Variants in DPP10 observed in about 807,000 individuals in gnomAD.
DPP10 encodes inactive dipeptidyl peptidase 10.
Under a neutral mutation model 120.9 loss-of-function variants are expected in DPP10, and 33 were observed. That is an observed-to-expected ratio of 0.27 (90% CI 0.21 to 0.37). The LOEUF (loss-of-function observed/expected upper bound fraction) is 0.37. DPP10 is among the 10% of genes least tolerant of loss of function. DPP10 has a pLI of 1.00. For missense variants in DPP10, 816 were observed against 942.8 expected, an observed-to-expected ratio of 0.87 and a Z score of 1.76; for synonymous variants, 337 against 326.1, an observed-to-expected ratio of 1.03 and a Z score of -0.36.
intron 21 of DPP10, among the ~76,000 whole-genome samples, chr2:115,825,545 T>A (rs550353265): frequency 6.6e-6 from 1 of 152,358 alleles, no homozygotes; most frequent in Admixed American, 6.5e-5. Flanking sequence ...TCATAATCTT[T>A]CTTTAATTTG....
intron 1 of DPP10, among the ~76,000 whole-genome samples, chr2:114,648,959 G>T (rs1328157722): frequency 6.6e-6 from 1 of 152,206 alleles, no homozygotes; most frequent in Non-Finnish European, 1.5e-5. Flanking sequence ...GTGCAAGTAT[G>T]ATCCTTCTCA....
At chr2:115,588,936 T>C (rs1412414240) in intron 5 of DPP10, among the ~76,000 whole-genome samples, 1 of 152,186 alleles carries the variant, frequency 6.6e-6, no homozygotes, top group Non-Finnish European at 1.5e-5. Context: ...TGGATTGTAC[T>C]GGAAAAATGT....
chr2:115,306,660 A>G (rs751112439), intron 1 of DPP10, among the ~76,000 whole-genome samples: 13 of 152,150 alleles, frequency 8.5e-5, no homozygotes, highest in African/African-American at 1.4e-4. Flanking sequence ...CAGTTCTCAA[A>G]TAGGGACTTG....
At chr2:115,055,903 T>TA (rs1284445702) in intron 1 of DPP10, among the ~76,000 whole-genome samples, 1 of 152,144 alleles carries the variant, frequency 6.6e-6, no homozygotes, top group Non-Finnish European at 1.5e-5. Flanking sequence ...AAATGTGTCA[T>TA]ATTGGACTCA....
chr2:115,713,238 A>C (rs10496500), intron 7 of DPP10, among the ~76,000 whole-genome samples: 12,919 of 152,228 alleles, frequency 0.085, 681 homozygotes, highest in Non-Finnish European at 0.11. Context: ...ATTGAGTCAT[A>C]AAGGAAGACC....
At chr2:115,585,307 AT>A (rs2082221309) in intron 5 of DPP10, among the ~76,000 whole-genome samples, 1 of 152,212 alleles carries the variant, frequency 6.6e-6, no homozygotes, top group Non-Finnish European at 1.5e-5. Flanking sequence ...CTCAGACATA[AT>A]TTCAGTTGCA....
chr2:115,108,336 A>G (rs1431122427), intron 1 of DPP10, among the ~76,000 whole-genome samples: 1 of 152,216 alleles, frequency 6.6e-6, no homozygotes, highest in Non-Finnish European at 1.5e-5. Flanking sequence ...TATATAAACC[A>G]ATATATTGGG....
chr2:114,864,953 T>A (rs1690110733), intron 1 of DPP10, among the ~76,000 whole-genome samples: 1 of 152,144 alleles, frequency 6.6e-6, no homozygotes, highest in African/African-American at 2.4e-5. Context: ...GAAAAAAAGG[T>A]TTCTGTCTAA....
chr2:115,714,209 G>A (rs185805477), intron 7 of DPP10, among the ~76,000 whole-genome samples: 6 of 152,292 alleles, frequency 3.9e-5, no homozygotes, highest in Admixed American at 3.3e-4. Flanking sequence ...ACTCATATGG[G>A]AAAGGTGTTT....
chr2:114,641,456 C>A (rs1226668229), intron 1 of DPP10, among the ~76,000 whole-genome samples: 1 of 151,970 alleles, frequency 6.6e-6, no homozygotes, highest in Non-Finnish European at 1.5e-5. Flanking sequence ...AAACGTTATA[C>A]ACTTTTGCTA....
chr2:115,810,971 A>G (rs1686580812), intron 19 of DPP10, among the ~76,000 whole-genome samples: 2 of 152,224 alleles, frequency 1.3e-5, no homozygotes, highest in Admixed American at 6.5e-5. Flanking sequence ...TCTTTAGTAC[A>G]TTCTGTGTGG....
chr2:115,247,866 T>C (rs1176538766), intron 1 of DPP10, among the ~76,000 whole-genome samples: 1 of 152,178 alleles, frequency 6.6e-6, no homozygotes, highest in East Asian at 1.9e-4. Context: ...GTTTTTCCCT[T>C]TGGTCCTATT....
At chr2:114,468,725 C>T (rs1179870532) in intron 1 of DPP10, among the ~76,000 whole-genome samples, 2 of 151,828 alleles carry the variant, frequency 1.3e-5, no homozygotes, top group African/African-American at 2.4e-5. Context: ...AATGCTGCTT[C>T]GAAAGAAAAG....
At chr2:115,073,680 G>T (rs77306138) in intron 1 of DPP10, among the ~76,000 whole-genome samples, 6 of 152,160 alleles carry the variant, frequency 3.9e-5, no homozygotes, top group African/African-American at 1.4e-4. Context: ...ATTTACTACT[G>T]AGATACTTAG....
chr2:114,687,930 G>A (rs1283927033), intron 1 of DPP10, among the ~76,000 whole-genome samples: 1 of 151,880 alleles, frequency 6.6e-6, no homozygotes, highest in Admixed American at 6.6e-5. Flanking sequence ...TCTTCTTCCA[G>A]GTAGAACATT....
intron 1 of DPP10, among the ~76,000 whole-genome samples, chr2:114,772,840 A>C (rs1457566320): frequency 6.6e-6 from 1 of 152,192 alleles, no homozygotes; most frequent in Non-Finnish European, 1.5e-5. Flanking sequence ...GAGCTGACTC[A>C]ATGAGCTTCC....
intron 19 of DPP10, among the ~76,000 whole-genome samples, chr2:115,806,005 G>C (rs1685921345): frequency 6.6e-6 from 1 of 152,112 alleles, no homozygotes; most frequent in African/African-American, 2.4e-5. Context: ...CCTCATGTTG[G>C]ACAACTACTA....
At chr2:114,955,773 CG>C (rs1698155314) in intron 1 of DPP10, among the ~76,000 whole-genome samples, 3 of 151,944 alleles carry the variant, frequency 2.0e-5, no homozygotes. Flanking sequence ...ATGCTTGGGA[CG>C]GAAAGATGGT....
chr2:114,516,578 G>C (rs1437808326), intron 1 of DPP10, among the ~76,000 whole-genome samples: 1 of 152,190 alleles, frequency 6.6e-6, no homozygotes, highest in African/African-American at 2.4e-5. Flanking sequence ...GAAATGCCTT[G>C]TATTAGACTA....
Sources: gnomAD v4.1 joint callset for allele counts (sites outside exome capture counted in the v4.1 genomes callset) on GRCh38, gnomAD v4.1.1 for gene constraint, MANE v1.5 for transcripts, NCBI Gene and HGNC (gene_info 2026-07-23, HGNC 2026-07-21) for gene names.